Variants in ENTPD1 observed in about 807,000 individuals in gnomAD.
ENTPD1 encodes ectonucleoside triphosphate diphosphohydrolase 1, also known as ATP diphosphohydrolase.
Under a neutral mutation model 57.0 loss-of-function variants are expected in ENTPD1, and 33 were observed. That is an observed-to-expected ratio of 0.58 (90% confidence interval 0.44 to 0.77). The LOEUF is 0.77. ENTPD1 is among the 30% of genes least tolerant of loss of function. The probability of loss-of-function intolerance (pLI) is 0.00; values close to 1 mark genes in which losing one functional copy is unlikely to be tolerated. For missense variants in ENTPD1, 501 were observed against 603.4 expected (o/e 0.83, Z 1.78); for synonymous variants, 202 against 218.8 (o/e 0.92, Z 0.68).
intron 1 of ENTPD1, among the ~76,000 whole-genome samples, chr10:95,811,615 C>T (rs1326107541): frequency 1.3e-5 from 2 of 152,136 alleles, no homozygotes; most frequent in African/African-American, 2.4e-5. Flanking sequence ...GTCTCGAACT[C>T]CTGGGCTCAA....
chr10:95,809,582 C>A (rs1472464060), intron 1 of ENTPD1, among the ~76,000 whole-genome samples: 1 of 118,600 alleles, frequency 8.4e-6, no homozygotes, highest in Non-Finnish European at 1.9e-5. Flanking sequence ...GGCGCCCCCC[C>A]ACCTCCCAGA....
chr10:95,750,505 T>C (rs1223381399), intron 1 of ENTPD1, among the ~76,000 whole-genome samples: 1 of 152,174 alleles, frequency 6.6e-6, no homozygotes, highest in Non-Finnish European at 1.5e-5. Flanking sequence ...GTAAGTTTCT[T>C]GAGGTCCTCA....
intron 1 of ENTPD1, among the ~76,000 whole-genome samples, chr10:95,806,767 A>G (rs1393049635): frequency 6.6e-6 from 1 of 151,894 alleles, no homozygotes; most frequent in Non-Finnish European, 1.5e-5. Context: ...GGTCTGTTGG[A>G]GTTTGCTGGA....
intron 1 of ENTPD1, among the ~76,000 whole-genome samples, chr10:95,716,458 G>T (rs1033110980): frequency 1.3e-5 from 2 of 152,158 alleles, no homozygotes; most frequent in South Asian, 2.1e-4. Context: ...TTGAGAGGTG[G>T]TAAGACTTTA....
intron 1 of ENTPD1, among the ~76,000 whole-genome samples, chr10:95,777,770 T>G (rs2098139711): frequency 6.6e-6 from 1 of 152,212 alleles, no homozygotes; most frequent in African/African-American, 2.4e-5. Flanking sequence ...AGGTGGAGAC[T>G]ACAGAGGCAG....
chr10:95,740,630 G>GA (rs1191191953), intron 1 of ENTPD1, among the ~76,000 whole-genome samples: 3 of 152,158 alleles, frequency 2.0e-5, no homozygotes, highest in Non-Finnish European at 4.4e-5. Flanking sequence ...TGGCATCCAA[G>GA]ATGGCATCTT....
intron 7 of ENTPD1, among the ~76,000 whole-genome samples, chr10:95,854,705 A>G (rs865826208): frequency 3.1e-4 from 47 of 152,312 alleles, no homozygotes; most frequent in African/African-American, 1.1e-3. Flanking sequence ...GTAGTCATTC[A>G]GGAGCAGGTT....
intron 1 of ENTPD1, among the ~76,000 whole-genome samples, chr10:95,810,247 C>T (rs1387592192): frequency 6.8e-6 from 1 of 147,784 alleles, no homozygotes. Context: ...TCCTCACCTC[C>T]CAGACGGGGT....
chr10:95,841,362 G>A (rs2098422242), intron 3 of ENTPD1, among the ~76,000 whole-genome samples: 1 of 151,192 alleles, frequency 6.6e-6, no homozygotes, highest in African/African-American at 2.4e-5. Context: ...ACTCCAGCCT[G>A]GGCGACAGAG....
At chr10:95,770,525 G>A (rs1454584321) in intron 1 of ENTPD1, among the ~76,000 whole-genome samples, 2 of 152,146 alleles carry the variant, frequency 1.3e-5, no homozygotes, top group Non-Finnish European at 1.5e-5. Context: ...TAACTTCCTG[G>A]TGCTGATGTC....
chr10:95,819,593 T>C (rs1206099255), intron 1 of ENTPD1, among the ~76,000 whole-genome samples: 1 of 152,246 alleles, frequency 6.6e-6, no homozygotes, highest in East Asian at 1.9e-4. Flanking sequence ...ATTTTTCCTC[T>C]GACACAGCTA....
chr10:95,792,463 T>C (rs2098208939), intron 1 of ENTPD1, among the ~76,000 whole-genome samples: 1 of 152,168 alleles, frequency 6.6e-6, no homozygotes, highest in Non-Finnish European at 1.5e-5. Flanking sequence ...AAAAGTAGAT[T>C]GGACATTTCA....
At chr10:95,724,180 A>AT (rs1325851418) in intron 1 of ENTPD1, among the ~76,000 whole-genome samples, 2 of 150,680 alleles carry the variant, frequency 1.3e-5, no homozygotes, top group Non-Finnish European at 3.0e-5. Flanking sequence ...AAAAAAAAAA[A>AT]AAAAAAGCCC....
Position 95,840,648 on chromosome 10 carries a change from G to A in ENTPD1, c.262+840G>A, listed in dbSNP as rs142652300. 1.0e-3 allele frequency among the ~76,000 whole-genome samples: 157 copies of A among 152,206 alleles called. 2 individuals carry two copies. The highest frequency in any genetic ancestry group is 5.4e-3 in the Admixed American group (83 of 15,294). On this transcript the variant is annotated intron_variant, in intron 3 of 9. Transcript: ENST00000371205. ...ATCTAGGTCTCCTAATTACACTCTA[G>A]GTTTCCTGCTACTCTGAGCTGCTGC...
At chr10:95,790,823 G>C (rs76464189) in intron 1 of ENTPD1, among the ~76,000 whole-genome samples, 4,838 of 152,190 alleles carry the variant, frequency 0.032, 103 homozygotes, top group South Asian at 0.08. Context: ...ATAAACCATG[G>C]CCAAATCATG....
intron 4 of ENTPD1, chr10:95,843,223 T>G (rs2098426146): frequency 6.6e-6 from 1 of 152,216 alleles, no homozygotes. Flanking sequence ...CAGGCACTGT[T>G]CTAAGTACTG....
At chr10:95,797,776 C>T (rs1293610427) in intron 1 of ENTPD1, among the ~76,000 whole-genome samples, 1 of 152,180 alleles carries the variant, frequency 6.6e-6, no homozygotes, top group Non-Finnish European at 1.5e-5. Context: ...GGGATCCACC[C>T]CTGTGACGCA....
chr10:95,820,807 C>G (rs1450706540), intron 1 of ENTPD1, among the ~76,000 whole-genome samples: 1 of 152,180 alleles, frequency 6.6e-6, no homozygotes, highest in African/African-American at 2.4e-5. Flanking sequence ...TCTGGTTTAT[C>G]TGTCTTGCTA....
chr10:95,826,763 T>A (rs2098378678), intron 2 of ENTPD1, among the ~76,000 whole-genome samples: 2 of 151,634 alleles, frequency 1.3e-5, no homozygotes, highest in African/African-American at 4.9e-5. Flanking sequence ...ATCCTAAGAG[T>A]AGTGGGAAGC....
Sources: gnomAD v4.1 joint callset for allele counts (sites outside exome capture counted in the v4.1 genomes callset) on GRCh38, gnomAD v4.1.1 for gene constraint, MANE v1.5 for transcripts, NCBI Gene and HGNC (gene_info 2026-07-23, HGNC 2026-07-21) for gene names.